The following PDAP1 variants were observed in gnomAD, a reference collection of about 807,000 sequenced individuals.
PDAP1 encodes the protein 28 kDa heat- and acid-stable phosphoprotein.
Under a neutral mutation model 28.0 loss-of-function variants are expected in PDAP1, and 13 were observed. The ratio of observed to expected loss-of-function variants is 0.46; its 90% confidence interval spans 0.30 to 0.74. PDAP1 has a LOEUF of 0.74. Among genes scored for constraint, PDAP1 ranks in the 30% least tolerant of loss-of-function variants. The pLI is 0.07. For missense variants in PDAP1, 150 were observed against 230.0 expected (o/e 0.65, Z 2.25); for synonymous variants, 77 against 85.1 (o/e 0.91, Z 0.52).
At chr7:99,406,507 TAC>T in intron 1 of PDAP1, 1 of 909,172 alleles carries the variant, frequency 1.1e-6, no homozygotes, top group African/African-American at 1.8e-5. Flanking sequence ...CAAACCTGAC[TAC>T]ACAGTCTAAA....
chr7:99,401,855 C>T (rs1010950304), intron 3 of PDAP1, among the ~76,000 whole-genome samples: 3 of 151,796 alleles, frequency 2.0e-5, no homozygotes, highest in Non-Finnish European at 2.9e-5. Flanking sequence ...TGCCACCACA[C>T]CTGGCTAATT....
At chr7:99,398,036 T>A (rs769173387) in intron 4 of PDAP1, 23 bp from the exon 5 acceptor site, 1 of 1,612,948 alleles carries the variant, frequency 6.2e-7, no homozygotes, top group Non-Finnish European at 8.5e-7. Context: ...AATGGTGTCA[T>A]GGGGACATCT....
intron 1 of PDAP1, 80 bp downstream of exon 1, chr7:99,408,456 G>A (rs1234545153): frequency 3.2e-6 from 4 of 1,261,848 alleles, no homozygotes; most frequent in Non-Finnish European, 4.1e-6. Context: ...TCTCAGAGAC[G>A]CGCACGGGCT....
Position 99,400,711 on chromosome 7 carries a change from C to T in PDAP1, c.214-287G>A, listed in dbSNP as rs529668159. On this transcript the variant is annotated intron_variant, in intron 3 of 5. Transcript: ENST00000350498. ...CGCCCTACCCCGACTTGCAAGCACT[C>T]ACACAGCACTACTCCCCTACTTCAA... Among the ~76,000 whole-genome samples, 7 of 152,320 alleles carry T rather than the reference C, an allele frequency of 4.6e-5. No homozygotes were observed. The South Asian group carries it at 8.3e-4, about 18-fold the overall frequency.
At position 99,396,228 on chromosome 7, in the gene PDAP1, A is replaced by T. The variant is rs923283658; in HGVS notation, c.*454T>A. ...ATGACCCTCGAGGACCCAGGGGCAC[A>T]GGCTCCCAGATGATAGCCCCTCTCT... is the stretch of plus-strand genomic sequence containing the variant. On this transcript the variant is annotated 3_prime_UTR_variant, in exon 6 of 6. Coordinates refer to ENST00000350498, the MANE Select transcript of PDAP1 (RefSeq NM_014891.7). The T allele has an allele frequency of 2.1e-5, 5 of 236,050 alleles. No individual in the cohort carries two copies. In the South Asian group the frequency reaches 2.2e-4, roughly 10 times the overall value. The allele number at this position is 236,050 out of a possible 1,614,324, so 14.6% of individuals were successfully genotyped here.
At chr7:99,407,775 GGATAGAGAACGGGCTAGAA>G (rs1295993526) in intron 1 of PDAP1, among the ~76,000 whole-genome samples, 1 of 152,186 alleles carries the variant, frequency 6.6e-6, no homozygotes, top group African/African-American at 2.4e-5. Flanking sequence ...GGGGGAAACA[GGATAGAGAACGGGCTAGAA>G]GATAGAGGAC....
chr7:99,401,332 AT>A (rs948230202), intron 3 of PDAP1, among the ~76,000 whole-genome samples: 2 of 150,842 alleles, frequency 1.3e-5, no homozygotes, highest in African/African-American at 4.9e-5. Flanking sequence ...GCAAGCCACG[AT>A]TTTTTTTCTT....
chr7:99,400,304 G>A lies in PDAP1; in HGVS notation c.334C>T (p.Arg112Ter). 4 of 1,613,482 alleles carry A rather than the reference G, an allele frequency of 2.5e-6. No homozygotes were observed. The highest frequency in any genetic ancestry group is 3.4e-6 in the Non-Finnish European group (4 of 1,179,790). Reference protein sequence around the residue: ...DGPKELSRREREEIEKQKAKE... With the variant: ...DGPKELSRRE The stretch of plus-strand genomic sequence containing the variant: ...ACAAGGCCCAGCCAGTGATGTTACC[G>A]TTCTCTCCTCGAAAGCTCCTTTGGC... Residue 112 changes from arginine (R) to a stop codon, truncating the protein, a stop_gained and splice_region_variant, in exon 4 of 6, where the codon CGA (arginine) becomes TGA (stop). Transcript: ENST00000350498. LOFTEE classifies it high-confidence loss of function.
chr7:99,406,721 C>G, intron 1 of PDAP1: 1 of 551,204 alleles, frequency 1.8e-6, no homozygotes, highest in Non-Finnish European at 2.3e-6. Context: ...TTTCCATAGT[C>G]TGTCTCTGTG....
chr7:99,400,693 C>T (rs950603059), intron 3 of PDAP1, among the ~76,000 whole-genome samples: 2 of 152,152 alleles, frequency 1.3e-5, no homozygotes, highest in Non-Finnish European at 2.9e-5. Context: ...GTGCGCCCTA[C>T]CCCGACTTGC....
Position 99,396,506 on chromosome 7 carries a change from C to A in PDAP1, c.*176G>T, listed in dbSNP as rs1794764827. 3.9e-6 allele frequency: 2 copies of A among 512,888 alleles called. No individual in the cohort carries two copies. The highest frequency in any genetic ancestry group is 3.6e-6 in the Non-Finnish European group (1 of 274,634). The allele number at this position is 512,888 out of a possible 1,614,324, so 31.8% of individuals were successfully genotyped here. A position where few individuals can be genotyped will look rare whatever the true frequency, so the allele number is the denominator to read the frequency against. ...ATAGCAGCTACCCCTCCCCCAGTCC[C>A]CCCCCCCATCCCCCAAACAATTTCT... On this transcript the variant is annotated 3_prime_UTR_variant, in exon 6 of 6. Transcript: ENST00000350498.
chr7:99,406,744 G>A (rs1267158627), intron 1 of PDAP1: 5 of 391,840 alleles, frequency 1.3e-5, no homozygotes, highest in African/African-American at 2.2e-5. Context: ...CAGAGACTCT[G>A]TAATCAGCCA....
intron 2 of PDAP1, among the ~76,000 whole-genome samples, chr7:99,404,489 G>A (rs1189349396): frequency 2.6e-5 from 4 of 152,126 alleles, no homozygotes; most frequent in African/African-American, 9.7e-5. Context: ...CATATGTCAT[G>A]TGCAGTGTGG....
chr7:99,399,235 A>G (rs1794817482), intron 4 of PDAP1, among the ~76,000 whole-genome samples: 1 of 152,200 alleles, frequency 6.6e-6, no homozygotes. Flanking sequence ...CAGATGCCTC[A>G]CTACAGAGCT....
chr7:99,408,291 C>G (rs575374715), intron 1 of PDAP1, among the ~76,000 whole-genome samples: 1 of 152,184 alleles, frequency 6.6e-6, no homozygotes, highest in Non-Finnish European at 1.5e-5. Flanking sequence ...ATCCGGCTTT[C>G]TAGGCCGGCG....
At chr7:99,398,705 A>G (rs1359199190) in intron 4 of PDAP1, among the ~76,000 whole-genome samples, 2 of 152,138 alleles carry the variant, frequency 1.3e-5, no homozygotes, top group Admixed American at 1.3e-4. Context: ...TCCTATCTCT[A>G]AAAAATACAA....
intron 1 of PDAP1, among the ~76,000 whole-genome samples, chr7:99,407,566 C>G (rs1009131977): frequency 1.3e-5 from 2 of 152,178 alleles, no homozygotes; most frequent in African/African-American, 4.8e-5. Flanking sequence ...AACACATGAG[C>G]TACCAACACA....
At chr7:99,407,604 G>A (rs1480870125) in intron 1 of PDAP1, among the ~76,000 whole-genome samples, 1 of 152,170 alleles carries the variant, frequency 6.6e-6, no homozygotes, top group East Asian at 1.9e-4. Flanking sequence ...CCAGGAGGTG[G>A]CCAGGCACTT....
chr7:99,400,009 CT>C (rs1794834933), intron 4 of PDAP1, among the ~76,000 whole-genome samples: 2 of 152,208 alleles, frequency 1.3e-5, no homozygotes, highest in Non-Finnish European at 2.9e-5. Context: ...TAAGGGAAGT[CT>C]CCCCAGGGTG....
Sources: gnomAD v4.1 joint callset for allele counts (sites outside exome capture counted in the v4.1 genomes callset) on GRCh38, gnomAD v4.1.1 for gene constraint, MANE v1.5 for transcripts, NCBI Gene and HGNC (gene_info 2026-07-23, HGNC 2026-07-21) for gene names.